The following TBC1D19 variants were observed in gnomAD, a reference collection of about 807,000 sequenced individuals.
The protein encoded by TBC1D19 is TBC1 domain family, member 19.
A neutral mutation model predicts 89.0 loss-of-function variants in TBC1D19; 60 were observed. The ratio of observed to expected loss-of-function variants is 0.67; its 90% CI spans 0.55 to 0.84. The LOEUF is 0.84. Among genes scored for constraint, TBC1D19 ranks in the 40% least tolerant of loss-of-function variants. TBC1D19 has a pLI of 0.00. For synonymous variants in TBC1D19, 189 were observed against 199.7 expected, an observed-to-expected ratio of 0.95 and a Z score of 0.45; for missense variants, 500 against 610.8, an observed-to-expected ratio of 0.82 and a Z score of 1.91.
At chr4:26,728,941 G>A (rs1019371960) in intron 15 of TBC1D19, among the ~76,000 whole-genome samples, 13 of 152,324 alleles carry the variant, frequency 8.5e-5, no homozygotes, top group African/African-American at 3.1e-4. Context: ...CCTGAACCCG[G>A]GAGGCGGAGC....
chr4:26,675,736 A>T (rs1293512100), intron 11 of TBC1D19, among the ~76,000 whole-genome samples: 1 of 152,202 alleles, frequency 6.6e-6, no homozygotes, highest in African/African-American at 2.4e-5. Flanking sequence ...TAAGCTGCAC[A>T]TATAATTGTA....
At chr4:26,720,893 C>T (rs966509877) in intron 15 of TBC1D19, among the ~76,000 whole-genome samples, 2 of 152,076 alleles carry the variant, frequency 1.3e-5, no homozygotes, top group Non-Finnish European at 2.9e-5. Flanking sequence ...GTATATAAAA[C>T]CACAAAGTGC....
intron 7 of TBC1D19, among the ~76,000 whole-genome samples, chr4:26,659,313 A>T (rs1252206149): frequency 1.3e-5 from 2 of 152,018 alleles, no homozygotes; most frequent in East Asian, 3.9e-4. Context: ...ATTTTTTCTA[A>T]CCACCAAAAA....
chr4:26,834,284 T>C, the TBC1D19 span, among the ~76,000 whole-genome samples: 1 of 152,222 alleles, frequency 6.6e-6, no homozygotes, highest in Non-Finnish European at 1.5e-5. Flanking sequence ...AATGGACTAA[T>C]ACAGGTTGGT....
At chr4:26,636,552 A>G (rs1560434008) in intron 4 of TBC1D19, among the ~76,000 whole-genome samples, 1 of 151,624 alleles carries the variant, frequency 6.6e-6, no homozygotes, top group Non-Finnish European at 1.5e-5. Flanking sequence ...AGACAGAGAC[A>G]TAACAACCAA....
At chr4:26,745,273 C>T (rs952567750) in intron 18 of TBC1D19, among the ~76,000 whole-genome samples, 27 of 151,700 alleles carry the variant, frequency 1.8e-4, no homozygotes, top group Admixed American at 8.5e-4. Flanking sequence ...GTTTCTTAAT[C>T]GGTGTGTTTA....
intron 4 of TBC1D19, among the ~76,000 whole-genome samples, chr4:26,626,961 C>T (rs191558973): frequency 0.019 from 2,854 of 149,636 alleles, 47 homozygotes; most frequent in Middle Eastern, 0.075. Flanking sequence ...CATATGTATA[C>T]ATGTGCCATG....
the TBC1D19 span, among the ~76,000 whole-genome samples, chr4:26,790,281 A>G: frequency 2.0e-5 from 3 of 152,202 alleles, no homozygotes; most frequent in African/African-American, 4.8e-5. Context: ...TGATGGTGCC[A>G]TCAGATAAGA....
intron 1 of TBC1D19, among the ~76,000 whole-genome samples, chr4:26,577,318 T>A (rs1449040458): frequency 6.6e-6 from 1 of 151,768 alleles, no homozygotes; most frequent in Non-Finnish European, 1.5e-5. Context: ...TGTGTGTCTG[T>A]GTGTGTGTGT....
chr4:26,597,371 T>C (rs569467139), intron 1 of TBC1D19, among the ~76,000 whole-genome samples: 32 of 152,160 alleles, frequency 2.1e-4, no homozygotes, highest in Non-Finnish European at 4.0e-4. Flanking sequence ...TGTATGGTGT[T>C]ATTATAGCTG....
intron 1 of TBC1D19, among the ~76,000 whole-genome samples, chr4:26,590,470 G>T (rs1739697604): frequency 6.6e-6 from 1 of 152,158 alleles, no homozygotes; most frequent in African/African-American, 2.4e-5. Context: ...AATGAGTAGG[G>T]AAGTGCTGCC....
intron 1 of TBC1D19, among the ~76,000 whole-genome samples, chr4:26,598,396 CTTCT>C (rs775959931): frequency 5.2e-5 from 6 of 115,428 alleles, no homozygotes; most frequent in South Asian, 3.1e-4. Context: ...ACTAAATATT[CTTCT>C]TTTTTTTTTC....
At chr4:26,600,843 C>A (rs1222579761) in intron 1 of TBC1D19, among the ~76,000 whole-genome samples, 1 of 152,132 alleles carries the variant, frequency 6.6e-6, no homozygotes, top group African/African-American at 2.4e-5. Context: ...TTCCTGGCTA[C>A]AATGTGTGTC....
chr4:26,712,976 T>A (rs1438442194), intron 13 of TBC1D19, among the ~76,000 whole-genome samples: 1 of 151,994 alleles, frequency 6.6e-6, no homozygotes, highest in African/African-American at 2.4e-5. Context: ...CACACAAATT[T>A]CAGGGATTAG....
the TBC1D19 span, among the ~76,000 whole-genome samples, chr4:26,761,802 A>G: frequency 6.6e-6 from 1 of 152,174 alleles, no homozygotes; most frequent in African/African-American, 2.4e-5. Context: ...TTCAATATTT[A>G]TAAACAATAG....
chr4:26,606,290 A>G (rs1452990269), intron 1 of TBC1D19, among the ~76,000 whole-genome samples: 2 of 152,316 alleles, frequency 1.3e-5, no homozygotes, highest in South Asian at 2.1e-4. Flanking sequence ...GACCTTGCTC[A>G]GAGAGGAATG....
chr4:26,811,141 G>T, the TBC1D19 span, among the ~76,000 whole-genome samples: 1 of 152,188 alleles, frequency 6.6e-6, no homozygotes, highest in African/African-American at 2.4e-5. Context: ...TAAAGAAAAG[G>T]TTACACATAT....
chr4:26,586,171 C>T (rs1602082), intron 1 of TBC1D19, among the ~76,000 whole-genome samples: 1,604 of 52,100 alleles, frequency 0.031, 56 homozygotes, highest in South Asian at 0.047. Flanking sequence ...GCAAGGTAAG[C>T]TTTTTTTTTT....
intron 3 of TBC1D19, among the ~76,000 whole-genome samples, chr4:26,617,337 G>C (rs567624982): frequency 1.9e-4 from 29 of 152,316 alleles, no homozygotes; most frequent in Non-Finnish European, 2.9e-4. Flanking sequence ...GTTTTGGAAA[G>C]GACAAACATT....
Sources: gnomAD v4.1 joint callset for allele counts (sites outside exome capture counted in the v4.1 genomes callset) on GRCh38, gnomAD v4.1.1 for gene constraint, MANE v1.5 for transcripts, NCBI Gene and HGNC (gene_info 2026-07-23, HGNC 2026-07-21) for gene names.